The following AUTS2 variants were observed in gnomAD, a reference collection of about 807,000 sequenced individuals.
AUTS2 encodes activator of transcription and developmental regulator AUTS2.
Under a neutral mutation model 112.4 loss-of-function variants are expected in AUTS2, and 17 were observed. The ratio of observed to expected loss-of-function variants is 0.15; its 90% confidence interval spans 0.10 to 0.23. The LOEUF is 0.23. Ranked by LOEUF, AUTS2 falls within the 10% of genes least tolerant of loss-of-function variation. The pLI is 1.00. For missense variants in AUTS2, 1,510 were observed against 1,701.6 expected, an observed-to-expected ratio of 0.89 and a Z score of 1.98; for synonymous variants, 751 against 702.7, an observed-to-expected ratio of 1.07 and a Z score of -1.09.
At chr7:69,966,964 C>T (rs745443178) in intron 2 of AUTS2, among the ~76,000 whole-genome samples, 1 of 152,120 alleles carries the variant, frequency 6.6e-6, no homozygotes, top group Non-Finnish European at 1.5e-5. Context: ...AGCAAGACCA[C>T]GTAAGGGGGA....
intron 4 of AUTS2, among the ~76,000 whole-genome samples, chr7:70,182,656 G>A (rs997422829): frequency 6.6e-6 from 1 of 152,090 alleles, no homozygotes; most frequent in African/African-American, 2.4e-5. Context: ...CTTTTCAAAT[G>A]TTTCTGACTC....
intron 2 of AUTS2, among the ~76,000 whole-genome samples, chr7:70,012,530 G>C (rs1389691821): frequency 6.6e-6 from 1 of 152,016 alleles, no homozygotes. Flanking sequence ...ACTTCTTCCA[G>C]CCTTTTCCTT....
intron 5 of AUTS2, among the ~76,000 whole-genome samples, chr7:70,542,997 C>A (rs1029966241): frequency 6.6e-6 from 1 of 152,178 alleles, no homozygotes; most frequent in African/African-American, 2.4e-5. Context: ...GGCAGTGCTA[C>A]AGACCTTTAG....
chr7:69,693,281 T>A (rs930772948), intron 1 of AUTS2, among the ~76,000 whole-genome samples: 4 of 152,228 alleles, frequency 2.6e-5, no homozygotes, highest in African/African-American at 9.6e-5. Context: ...CTGTAAATCT[T>A]AGCAGCCCAT....
At chr7:70,580,395 A>G (rs1393311487) in intron 5 of AUTS2, among the ~76,000 whole-genome samples, 6 of 152,152 alleles carry the variant, frequency 3.9e-5, no homozygotes, top group African/African-American at 2.4e-5. Context: ...CATGTTTCCT[A>G]TTAGTTCTTC....
intron 1 of AUTS2, among the ~76,000 whole-genome samples, chr7:69,622,662 G>A (rs1793732813): frequency 6.6e-6 from 1 of 152,172 alleles, no homozygotes; most frequent in Non-Finnish European, 1.5e-5. Context: ...TGATTTCACA[G>A]TTTCTATTTC....
At chr7:69,633,240 C>T (rs967698407) in intron 1 of AUTS2, among the ~76,000 whole-genome samples, 1 of 152,022 alleles carries the variant, frequency 6.6e-6, no homozygotes, top group African/African-American at 2.4e-5. Flanking sequence ...CCTTCAGGCT[C>T]ATCCACATTT....
rs770143107 is a variant in AUTS2, at chr7:70,118,191, C to T, written c.582C>T (p.Ser194=). The part of the protein sequence containing the change: ...DSDSESASGE[S]KGFHRSSSRE... ...ACAGTGAAAGTGCCAGTGGAGAATC[C>T]AAGGGCTTCCACCGGAGCAGCTCTC... is the stretch of plus-strand genomic sequence containing the variant. Residue 194 remains serine (S), a synonymous_variant, in exon 3 of 19, where the codon TCC becomes TCT. Coordinates refer to ENST00000342771, the MANE Select transcript of AUTS2 (RefSeq NM_015570.4). 1 of 1,606,528 alleles carries T rather than the reference C, an allele frequency of 6.2e-7. No individual in the cohort carries two copies. The highest frequency in any genetic ancestry group is 1.1e-5 in the South Asian group (1 of 90,692).
At chr7:70,128,448 G>C (rs1238616386) in intron 3 of AUTS2, among the ~76,000 whole-genome samples, 1 of 152,166 alleles carries the variant, frequency 6.6e-6, no homozygotes, top group Admixed American at 6.5e-5. Context: ...TTTAACTAGT[G>C]TGATTAGATA....
Position 70,553,573 on chromosome 7 carries a change from T to A in AUTS2, c.690+117792T>A, listed in dbSNP as rs117872540. Among the ~76,000 whole-genome samples the A allele has an allele frequency of 4.4e-3, 675 of 152,264 alleles. 3 individuals are homozygous for A. Among genetic ancestry groups the A allele is most frequent in the Middle Eastern group, 0.017 (5 of 294 alleles). Reference sequence around the variant, plus strand: ...TGTCTTTGTAGGCAATACAGAAAACTGTCTACTTGTTCCAGTGAGCTAAAT... The same window carrying A: ...TGTCTTTGTAGGCAATACAGAAAACAGTCTACTTGTTCCAGTGAGCTAAAT... On this transcript the variant is annotated intron_variant, in intron 5 of 18. Coordinates refer to ENST00000342771, the MANE Select transcript of AUTS2 (RefSeq NM_015570.4).
chr7:70,082,156 G>A (rs1426523166), intron 2 of AUTS2, among the ~76,000 whole-genome samples: 1 of 152,022 alleles, frequency 6.6e-6, no homozygotes, highest in Non-Finnish European at 1.5e-5. Flanking sequence ...TTACTAATCC[G>A]AAGAATGACT....
intron 6 of AUTS2, among the ~76,000 whole-genome samples, chr7:70,750,860 T>C (rs1334254975): frequency 6.6e-6 from 1 of 152,214 alleles, no homozygotes; most frequent in Non-Finnish European, 1.5e-5. Flanking sequence ...TGTAAGTCGG[T>C]CTTTGCTGCT....
chr7:70,444,343 C>CGTGTGTGTGTGTGTGT (rs370735846), intron 5 of AUTS2, among the ~76,000 whole-genome samples: 8 of 138,762 alleles, frequency 5.8e-5, no homozygotes, highest in African/African-American at 1.7e-4. Flanking sequence ...TGGTCATGTA[C>CGTGTGTGTGTGTGTGT]GTGTGTGTGT....
intron 5 of AUTS2, among the ~76,000 whole-genome samples, chr7:70,491,642 T>A (rs938888630): frequency 6.7e-6 from 1 of 149,170 alleles, no homozygotes; most frequent in Non-Finnish European, 1.5e-5. Context: ...TGAGACAGAG[T>A]CTCACTCTGT....
intron 5 of AUTS2, among the ~76,000 whole-genome samples, chr7:70,482,813 T>C (rs1797841194): frequency 6.6e-6 from 1 of 152,132 alleles, no homozygotes; most frequent in Admixed American, 6.5e-5. Context: ...CTAATAGTTC[T>C]GAAATGGCAA....
At chr7:69,891,341 T>C (rs1794510627) in intron 1 of AUTS2, among the ~76,000 whole-genome samples, 1 of 152,220 alleles carries the variant, frequency 6.6e-6, no homozygotes, top group South Asian at 2.1e-4. Flanking sequence ...TAGTATTCCA[T>C]TGATTGGTTA....
chr7:70,418,781 A>T (rs1054331270), intron 4 of AUTS2, among the ~76,000 whole-genome samples: 3 of 152,200 alleles, frequency 2.0e-5, no homozygotes, highest in Non-Finnish European at 4.4e-5. Context: ...AGTAAATGTA[A>T]AGATGAAAAT....
At chr7:69,648,614 C>A (rs901890594) in intron 1 of AUTS2, among the ~76,000 whole-genome samples, 3 of 151,884 alleles carry the variant, frequency 2.0e-5, no homozygotes, top group Non-Finnish European at 2.9e-5. Flanking sequence ...GGCTCCTCTT[C>A]TTTTTGTGAG....
intron 1 of AUTS2, among the ~76,000 whole-genome samples, chr7:69,795,434 CT>C (rs1789796893): frequency 6.6e-6 from 1 of 152,150 alleles, no homozygotes; most frequent in Non-Finnish European, 1.5e-5. Context: ...AATCCAAACA[CT>C]TTGGGACATC....
Sources: allele counts gnomAD v4.1 joint callset (sites outside exome capture counted in the v4.1 genomes callset), GRCh38; gene constraint gnomAD v4.1.1; transcripts MANE v1.5; gene names NCBI Gene and HGNC (gene_info 2026-07-23, HGNC 2026-07-21).